WDPCP: variants seen among roughly 807,000 people sequenced by gnomAD.
The protein encoded by WDPCP is WD repeat containing planar cell polarity effector.
In WDPCP, 71 loss-of-function variants were observed where a neutral mutation model predicts 93.1. The ratio of observed to expected loss-of-function variants is 0.76; its 90% CI spans 0.63 to 0.93. WDPCP has a LOEUF of 0.93. Ranked by LOEUF, WDPCP falls within the 40% of genes least tolerant of loss-of-function variation. WDPCP has a pLI of 0.00. For synonymous variants in WDPCP, 315 were observed against 315.0 expected (o/e 1.00, Z 0.00); for missense variants, 844 against 887.4 (o/e 0.95, Z 0.62).
intron 12 of WDPCP, among the ~76,000 whole-genome samples, chr2:63,348,448 T>C (rs1689346356): frequency 6.6e-6 from 1 of 152,236 alleles, no homozygotes; most frequent in Non-Finnish European, 1.5e-5. Flanking sequence ...TAATTGCTGT[T>C]GATTATTGAG....
At chr2:63,662,726 A>G (rs1710239634) in intron 2 of WDPCP, among the ~76,000 whole-genome samples, 1 of 152,118 alleles carries the variant, frequency 6.6e-6, no homozygotes, top group African/African-American at 2.4e-5. Context: ...AGGTGGCTCC[A>G]GGAAAGATAA....
chr2:63,725,876 G>T (rs1402079219), intron 2 of WDPCP, among the ~76,000 whole-genome samples: 3 of 151,916 alleles, frequency 2.0e-5, no homozygotes, highest in Non-Finnish European at 4.4e-5. Flanking sequence ...CATGTCATTT[G>T]CTAATTTTAA....
At position 63,338,572 on chromosome 2, in the gene WDPCP, ATATATATATAT is replaced by A. The variant is rs1688618063; in HGVS notation, c.1749-25272_1749-25262del. Reference sequence around the variant, plus strand: ...CATCTAAAAAAAAAAAAAAAAAAATATATATATATATATATATATATATATATATATATATA... The same window carrying A: ...CATCTAAAAAAAAAAAAAAAAAAATAATATATATATATATATATATATATA... On this transcript the variant is annotated intron_variant, in intron 12 of 17. Coordinates refer to ENST00000272321, the MANE Select transcript of WDPCP (RefSeq NM_015910.7). Among the ~76,000 whole-genome samples the A allele has an allele frequency of 6.1e-4, 3 of 4,890 alleles. 1 individual carries two copies. Among genetic ancestry groups the A allele is most frequent in the Non-Finnish European group, 7.7e-4 (3 of 3,874 alleles). 3.2% of individuals were successfully genotyped at this position (4,890 alleles called of 152,430 possible).
chr2:63,278,696 G>A (rs989868987), intron 13 of WDPCP, among the ~76,000 whole-genome samples: 32 of 151,954 alleles, frequency 2.1e-4, no homozygotes, highest in Non-Finnish European at 3.8e-4. Flanking sequence ...GCATGGTGGC[G>A]GGCACCTGTA....
intron 3 of WDPCP, among the ~76,000 whole-genome samples, chr2:63,610,566 AT>A (rs976628099): frequency 1.3e-5 from 2 of 152,108 alleles, no homozygotes; most frequent in Admixed American, 1.3e-4. Context: ...TATTTTGAGA[AT>A]TAAAAAAAAA....
chr2:63,746,695 G>C (rs1256423002), intron 2 of WDPCP, among the ~76,000 whole-genome samples: 1 of 152,126 alleles, frequency 6.6e-6, no homozygotes, highest in East Asian at 1.9e-4. Flanking sequence ...CCCAAGGTTT[G>C]CTAGGATTAG....
intron 2 of WDPCP, among the ~76,000 whole-genome samples, chr2:63,723,264 C>T (rs190176699): frequency 1.5e-4 from 22 of 148,436 alleles, no homozygotes; most frequent in Admixed American, 3.4e-4. Context: ...CTGTGAGAAA[C>T]ACCCAAGAAT....
intron 13 of WDPCP, among the ~76,000 whole-genome samples, chr2:63,274,043 A>G (rs886096180): frequency 1.3e-5 from 2 of 152,162 alleles, no homozygotes; most frequent in African/African-American, 4.8e-5. Context: ...CAGTTACGAA[A>G]TATGTACTCT....
At chr2:63,421,611 A>C (rs948581948) in intron 9 of WDPCP, among the ~76,000 whole-genome samples, 1 of 152,212 alleles carries the variant, frequency 6.6e-6, no homozygotes, top group Non-Finnish European at 1.5e-5. Flanking sequence ...AGTTGGTTCA[A>C]ACTAAAGGTG....
At chr2:63,288,969 C>T (rs4671474) in intron 13 of WDPCP, among the ~76,000 whole-genome samples, 1 of 151,874 alleles carries the variant, frequency 6.6e-6, no homozygotes, top group Non-Finnish European at 1.5e-5. Context: ...TACCAAGGAA[C>T]GGATGTTGTG....
intron 6 of WDPCP, among the ~76,000 whole-genome samples, chr2:63,465,886 C>G (rs1699317293): frequency 6.6e-6 from 1 of 152,180 alleles, no homozygotes; most frequent in African/African-American, 2.4e-5. Flanking sequence ...AAACTCTGAA[C>G]TATCTGGGGC....
intron 12 of WDPCP, among the ~76,000 whole-genome samples, chr2:63,370,654 T>A (rs1173412380): frequency 6.6e-6 from 1 of 152,174 alleles, no homozygotes; most frequent in Non-Finnish European, 1.5e-5. Flanking sequence ...GTTTACTTTA[T>A]AGGAGAAACA....
At chr2:63,835,510 G>A in the WDPCP span, among the ~76,000 whole-genome samples, 15 of 151,826 alleles carry the variant, frequency 9.9e-5, no homozygotes, top group Non-Finnish European at 1.9e-4. Context: ...TTGATGGAGA[G>A]GGGTAGCAAA....
chr2:63,319,083 A>G (rs572754260), intron 12 of WDPCP, among the ~76,000 whole-genome samples: 1 of 152,318 alleles, frequency 6.6e-6, no homozygotes, highest in African/African-American at 2.4e-5. Flanking sequence ...TCTTCAAATT[A>G]TGGAGGAAAA....
Position 63,357,966 on chromosome 2 carries a change from T to C in WDPCP, c.1748+20420A>G, listed in dbSNP as rs1353736907. Among the ~76,000 whole-genome samples the C allele has an allele frequency of 2.6e-5, 4 of 152,222 alleles. No homozygotes were observed. In the East Asian group the frequency reaches 7.7e-4, roughly 29 times the overall value. ...GTCATGTCTTTTGCAGTGACATGGATGGAGCTGGAGGCTATTATCCTTAGC... is the reference window on the plus strand; with the variant it reads ...GTCATGTCTTTTGCAGTGACATGGACGGAGCTGGAGGCTATTATCCTTAGC... On this transcript the variant is annotated intron_variant, in intron 12 of 17. Transcript: ENST00000272321.
At chr2:63,267,089 C>T (rs941726482) in intron 13 of WDPCP, among the ~76,000 whole-genome samples, 2 of 152,068 alleles carry the variant, frequency 1.3e-5, no homozygotes, top group African/African-American at 4.8e-5. Flanking sequence ...TATTATAAAG[C>T]TATTGAAACA....
chr2:63,448,467 CA>C (rs1259661276), intron 6 of WDPCP, among the ~76,000 whole-genome samples: 23 of 150,496 alleles, frequency 1.5e-4, no homozygotes, highest in Admixed American at 4.0e-4. Context: ...CACACACACA[CA>C]CCCTTAATAT....
intron 1 of WDPCP, among the ~76,000 whole-genome samples, chr2:63,531,243 T>C (rs372405417): frequency 6.8e-4 from 104 of 152,346 alleles, no homozygotes; most frequent in African/African-American, 2.3e-3. Flanking sequence ...CCTGCCTCTG[T>C]AGACTCCACC....
At chr2:63,605,950 G>A in intron 3 of WDPCP, 2 of 1,613,688 alleles carry the variant, frequency 1.2e-6, no homozygotes, top group Non-Finnish European at 1.7e-6. Flanking sequence ...GAGAGTTTGT[G>A]TCCATGGGTG....
Sources: allele counts gnomAD v4.1 joint callset (sites outside exome capture counted in the v4.1 genomes callset), GRCh38; gene constraint gnomAD v4.1.1; transcripts MANE v1.5; gene names NCBI Gene and HGNC (gene_info 2026-07-23, HGNC 2026-07-21).